The following SURF4 variants were observed in gnomAD, a reference collection of about 807,000 sequenced individuals.
SURF4 encodes surfeit 4.
A neutral mutation model predicts 30.0 loss-of-function variants in SURF4; 3 were observed. That is an observed-to-expected ratio of 0.10 (90% CI 0.05 to 0.26). SURF4 has a LOEUF of 0.26. Ranked by LOEUF, SURF4 falls within the 10% of genes least tolerant of loss-of-function variation. SURF4 has a pLI of 1.00. For synonymous variants in SURF4, 143 were observed against 139.9 expected (o/e 1.02, Z -0.16); for missense variants, 217 against 350.8 (o/e 0.62, Z 3.05).
intron 3 of SURF4, 56 bp downstream of exon 3, chr9:133,366,543 A>C (rs1837185200): frequency 6.4e-7 from 1 of 1,571,716 alleles, no homozygotes; most frequent in African/African-American, 1.3e-5. Flanking sequence ...GTCTTTTCAG[A>C]AGCTCTGCTC....
upstream of SURF4, among the ~76,000 whole-genome samples, chr9:133,377,942 A>G (rs2130256206): frequency 1.3e-4 from 20 of 152,302 alleles, 1 homozygote; most frequent in East Asian, 2.5e-3. Context: ...ATCATCAGGC[A>G]TTTGTTTCTC....
intron 5 of SURF4, among the ~76,000 whole-genome samples, chr9:133,364,472 C>T (rs1460770959): frequency 3.3e-5 from 5 of 152,108 alleles, no homozygotes; most frequent in Non-Finnish European, 7.4e-5. Flanking sequence ...AGGCAGATCA[C>T]GAGGGGTCAG....
chr9:133,363,141 GC>G lies in SURF4; in HGVS notation c.*351del, dbSNP rs1836926871. On this transcript the variant is annotated 3_prime_UTR_variant, in exon 6 of 6. Coordinates refer to ENST00000371989, the MANE Select transcript of SURF4 (RefSeq NM_033161.4). This position sits in a 1 kb window ranked among gnomAD's most constrained non-coding sequence, Gnocchi z 4.3. ...TTTGAATGATAATACCAATGCGTCT[GC>G]TCACAGTACAGCTTGAAGGCCCCCT... The G allele has an allele frequency of 3.8e-6, 2 of 533,188 alleles. No individual in the cohort carries two copies. The highest frequency in any genetic ancestry group is 3.4e-6 in the Non-Finnish European group (1 of 296,870). The allele number at this position is 533,188 out of a possible 1,614,324, so 33.0% of individuals were successfully genotyped here.
chr9:133,363,360 CA>C lies in SURF4; in HGVS notation c.*132del. On this transcript the variant is annotated 3_prime_UTR_variant, in exon 6 of 6. Transcript: ENST00000371989. This position sits in a 1 kb window ranked among gnomAD's most constrained non-coding sequence, Gnocchi z 4.3. The stretch of plus-strand genomic sequence containing the variant: ...CAGGTGTCTCTGCAAATAAAGTTCT[CA>C]AAACATCTGTGCCTTTACCAAGGGA... 7.0e-7 allele frequency: 1 copy of C among 1,433,984 alleles called. No individual in the cohort carries two copies. Among genetic ancestry groups the C allele is most frequent in the Non-Finnish European group, 9.7e-7 (1 of 1,034,528 alleles). 88.8% of individuals were successfully genotyped at this position (1,433,984 alleles called of 1,614,324 possible). A position where few individuals can be genotyped will look rare whatever the true frequency, so the allele number is the denominator to read the frequency against.
Position 133,366,588 on chromosome 9 carries a change from G to A in SURF4, c.312+11C>T, listed in dbSNP as rs2130128588. The stretch of plus-strand genomic sequence containing the variant: ...AAAGAGAAGGGAGCCCCGACCACGC[G>A]GCCCGTGTACCTGCAGAGCTATGAT... On this transcript the variant is annotated intron_variant, in intron 3 of 5. Transcript: ENST00000371989. 8.7e-6 allele frequency: 14 copies of A among 1,613,666 alleles called. No individual in the cohort carries two copies. Among genetic ancestry groups the A allele is most frequent in the East Asian group, 2.2e-5 (1 of 44,868 alleles).
At chr9:133,376,931 T>A (rs1400911546), upstream of SURF4, among the ~76,000 whole-genome samples, 1 of 152,162 alleles carries the variant, frequency 6.6e-6, no homozygotes, top group African/African-American at 2.4e-5. Context: ...CCCTGCAGCG[T>A]GGGTCTGTGA....
chr9:133,361,937 G>A lies in SURF4; in HGVS notation c.*1556C>T, dbSNP rs927723768. 1 of 152,252 alleles carries A rather than the reference G, an allele frequency of 6.6e-6. No individual in the cohort carries two copies. The highest frequency in any genetic ancestry group is 1.5e-5 in the Non-Finnish European group (1 of 68,064). 9.4% of individuals were successfully genotyped at this position (152,252 alleles called of 1,614,324 possible). On this transcript the variant is annotated 3_prime_UTR_variant, in exon 6 of 6. Transcript: ENST00000371989. ...ACTGAGACAAGCCAGTCTTCATGCA[G>A]TGAGCACTTGAATGATCACAGGAGA... is the stretch of plus-strand genomic sequence containing the variant.
intron 1 of SURF4, among the ~76,000 whole-genome samples, chr9:133,368,364 T>C (rs2130157483): frequency 2.8e-4 from 42 of 152,362 alleles, no homozygotes; most frequent in African/African-American, 1.0e-3. Flanking sequence ...CCCCAGGCTC[T>C]GGACAGCGCA....
chr9:133,369,679 T>C (rs2130172107), intron 1 of SURF4, among the ~76,000 whole-genome samples: 6,802 of 152,252 alleles, frequency 0.045, 227 homozygotes, highest in Non-Finnish European at 0.071. Flanking sequence ...CATGGCCCCG[T>C]TGCTCTCTAA....
intron 1 of SURF4, among the ~76,000 whole-genome samples, chr9:133,374,690 C>T (rs1345842059): frequency 1.3e-5 from 2 of 152,176 alleles, no homozygotes; most frequent in East Asian, 3.8e-4. Flanking sequence ...AAAATATTGG[C>T]TCACAGAAAG....
At chr9:133,364,708 A>AT in intron 5 of SURF4, 132 bp downstream of exon 5, 6 of 756,942 alleles carry the variant, frequency 7.9e-6, no homozygotes, top group Middle Eastern at 3.9e-4. Flanking sequence ...AAAAAAAAAA[A>AT]GTTTGCTCCA....
At chr9:133,368,680 C>T (rs1389185180) in intron 1 of SURF4, among the ~76,000 whole-genome samples, 5 of 152,228 alleles carry the variant, frequency 3.3e-5, no homozygotes, top group African/African-American at 1.2e-4. Flanking sequence ...TGAGTCAGGT[C>T]ATTTATGACG....
chr9:133,376,062 C>G (rs1837911884), upstream of SURF4: 2 of 1,208,314 alleles, frequency 1.7e-6, no homozygotes, highest in Admixed American at 4.4e-5. Context: ...ACAGGAAGTG[C>G]CCGGCGGCCG....
rs1314739415 is a variant in SURF4, at chr9:133,363,182, A to G, written c.*311T>C. 3 of 588,852 alleles carry G rather than the reference A, an allele frequency of 5.1e-6. No homozygotes were observed. Among genetic ancestry groups the G allele is most frequent in the Non-Finnish European group, 6.1e-6 (2 of 329,540 alleles). 36.5% of individuals were successfully genotyped at this position (588,852 alleles called of 1,614,324 possible). A position where few individuals can be genotyped will look rare whatever the true frequency, so the allele number is the denominator to read the frequency against. ...GAAGGCCCCCTCCTGTACCCCCACA[A>G]AAAAACTCAAAAATAGGACTGAGAT... is the stretch of plus-strand genomic sequence containing the variant. On this transcript the variant is annotated 3_prime_UTR_variant, in exon 6 of 6. Transcript: ENST00000371989. The surrounding 1 kb of genome is among the most constrained non-coding windows in gnomAD (Gnocchi z 4.3).
intron 1 of SURF4, among the ~76,000 whole-genome samples, chr9:133,370,437 G>A (rs1251142855): frequency 1.3e-5 from 2 of 152,198 alleles, no homozygotes; most frequent in African/African-American, 4.8e-5. Context: ...CTGAAGTCAG[G>A]CTGATGCAGT....
At chr9:133,371,029 G>C (rs1408160809) in intron 1 of SURF4, 1 of 1,277,186 alleles carries the variant, frequency 7.8e-7, no homozygotes, top group Non-Finnish European at 1.0e-6. Context: ...GGGGATTTTA[G>C]AAACGTAATT....
At chr9:133,372,358 G>C (rs1837555273) in intron 1 of SURF4, among the ~76,000 whole-genome samples, 2 of 152,240 alleles carry the variant, frequency 1.3e-5, no homozygotes, top group Non-Finnish European at 2.9e-5. Flanking sequence ...CAAGCAGTGA[G>C]GAACCCAGCC....
chr9:133,374,735 G>A lies in SURF4; in HGVS notation c.48+1187C>T, dbSNP rs2130228101. 2.0e-3 allele frequency among the ~76,000 whole-genome samples: 297 copies of A among 152,192 alleles called. 1 individual carries two copies. The highest frequency in any genetic ancestry group is 6.9e-3 in the African/African-American group (285 of 41,514). On this transcript the variant is annotated intron_variant, in intron 1 of 5. Transcript: ENST00000371989. ...GAGAACCGATGGTGAGGTCACACTA[G>A]AAAGAGATCACCCCCCAGGAGGAAC...
At chr9:133,367,519 G>A in intron 1 of SURF4, 74 bp from the exon 2 acceptor site, 4 of 1,597,530 alleles carry the variant, frequency 2.5e-6, no homozygotes, top group Non-Finnish European at 3.4e-6. Flanking sequence ...GCACGTCCTT[G>A]GGCGGGGTGT....
Sources: gnomAD v4.1 joint callset for allele counts (sites outside exome capture counted in the v4.1 genomes callset) on GRCh38, gnomAD v4.1.1 for gene constraint, Gnocchi (gnomAD v3.1) non-coding constraint, MANE v1.5 for transcripts, NCBI Gene and HGNC (gene_info 2026-07-23, HGNC 2026-07-21) for gene names.